The following TRHR variants were observed in gnomAD, a reference collection of about 807,000 sequenced individuals.
TRHR encodes thyrotropin-releasing hormone receptor.
TRHR carries 14 observed loss-of-function variants against 28.0 expected under a neutral mutation model. The observed-to-expected ratio is 0.50, with a 90% confidence interval of 0.33 to 0.78. The LOEUF (loss-of-function observed/expected upper bound fraction) is 0.78. Among genes scored for constraint, TRHR ranks in the 30% least tolerant of loss-of-function variants. The pLI, the probability that TRHR is intolerant of heterozygous loss-of-function variation, is 0.02. For synonymous variants in TRHR, 176 were observed against 171.9 expected (o/e 1.02, Z -0.18); for missense variants, 438 against 469.5 (o/e 0.93, Z 0.62).
At chr8:109,111,164 C>CAAAAA (rs1299482094) in intron 2 of TRHR, among the ~76,000 whole-genome samples, 1 of 151,834 alleles carries the variant, frequency 6.6e-6, no homozygotes, top group Non-Finnish European at 1.5e-5. Context: ...AAAAACAAAA[C>CAAAAA]AAAACAAAAC....
At chr8:109,114,954 T>TGGATGGATAGATTCCTTCCCAATC (rs1451491847) in intron 2 of TRHR, among the ~76,000 whole-genome samples, 38 of 152,070 alleles carry the variant, frequency 2.5e-4, no homozygotes, top group African/African-American at 9.2e-4. Context: ...TAACTTAGAA[T>TGGATGGATAGATTCCTTCCCAATC]GGATGGATAG....
rs535349867 is a variant in TRHR at position 109,121,006 on chromosome 8, T to C, written c.*1551T>C. The stretch of plus-strand genomic sequence containing the variant: ...CTCCCCATCTTCTTAATGAAGAATA[T>C]ACCATTCTTCTGAAACTTGTTTTTA... On this transcript the variant is annotated 3_prime_UTR_variant, in exon 3 of 3. Transcript: ENST00000518632. Among the ~76,000 whole-genome samples the C allele has an allele frequency of 1.3e-5, 2 of 151,502 alleles. No homozygotes were observed. Among genetic ancestry groups the C allele is most frequent in the African/African-American group, 4.8e-5 (2 of 41,398 alleles).
In TRHR at chr8:109,109,755, G is replaced by A. The variant is rs370759261; in HGVS notation, c.790-9293G>A. On this transcript the variant is annotated intron_variant, in intron 2 of 2. Coordinates refer to ENST00000518632, the MANE Select transcript of TRHR (RefSeq NM_003301.7). ...CATTGAACCCCAGTTCCACTAACCAGGACAGCTCAAAGTCCCATCACTTTT... is the reference window on the plus strand; with the variant it reads ...CATTGAACCCCAGTTCCACTAACCAAGACAGCTCAAAGTCCCATCACTTTT... 2.2e-4 allele frequency among the ~76,000 whole-genome samples: 34 copies of A among 152,248 alleles called. No homozygotes were observed. The East Asian group carries it at 5.4e-3, about 24-fold the overall frequency.
chr8:109,114,784 C>G (rs1811893098), intron 2 of TRHR, among the ~76,000 whole-genome samples: 2 of 151,998 alleles, frequency 1.3e-5, no homozygotes, highest in Non-Finnish European at 2.9e-5. Context: ...CAAGGGTTCT[C>G]TTAGAACCAA....
chr8:109,087,286 A>C (rs1384778829), intron 1 of TRHR, 139 bp from the exon 2 acceptor site: 1 of 594,150 alleles, frequency 1.7e-6, no homozygotes, highest in African/African-American at 1.9e-5. Flanking sequence ...GCAATAAAAG[A>C]AGTTTTAAGA....
chr8:109,099,327 A>C (rs1286308417), intron 2 of TRHR, among the ~76,000 whole-genome samples: 3 of 152,190 alleles, frequency 2.0e-5, no homozygotes, highest in African/African-American at 7.2e-5. Flanking sequence ...ATTTACAAAT[A>C]GGAGGCTAAA....
In TRHR at chr8:109,111,373, C is replaced by T. The variant is rs114487597; in HGVS notation, c.790-7675C>T. ...TAGTCATTGATCACTTTGCTGAGGG[C>T]CATCTGAGAGTATAATATTCCCAGT... On this transcript the variant is annotated intron_variant, in intron 2 of 2. Coordinates refer to ENST00000518632, the MANE Select transcript of TRHR (RefSeq NM_003301.7). Among the ~76,000 whole-genome samples, 784 of 152,192 alleles carry T rather than the reference C, an allele frequency of 5.2e-3. 10 individuals are homozygous for T. Among genetic ancestry groups the T allele is most frequent in the African/African-American group, 0.018 (728 of 41,536 alleles).
Position 109,119,103 on chromosome 8 carries a change from A to G in TRHR, c.845A>G (p.Tyr282Cys). ...CTGTTTGCCCTTTTATGGATGCCCT[A>G]CAGGACTCTAGTGGTTGTCAACTCA... is the stretch of plus-strand genomic sequence containing the variant. ...VILFALLWMP[Y>C]RTLVVVNSFL... The change falls in exon 3 of 3, where the codon TAC becomes TGC. Residue 282 changes from tyrosine to cysteine, a missense_variant. Coordinates refer to ENST00000518632, the MANE Select transcript of TRHR (RefSeq NM_003301.7). 2 of 1,612,880 alleles carry G rather than the reference A, an allele frequency of 1.2e-6. No homozygotes were observed. The highest frequency in any genetic ancestry group is 1.7e-6 in the Non-Finnish European group (2 of 1,179,236).
intron 1 of TRHR, 35 bp from the exon 2 acceptor site, chr8:109,087,390 C>A: frequency 9.7e-7 from 1 of 1,032,886 alleles, no homozygotes; most frequent in Non-Finnish European, 1.5e-6. Flanking sequence ...GAAATTGTAA[C>A]ACTGTTAATG....
intron 2 of TRHR, among the ~76,000 whole-genome samples, chr8:109,097,677 A>C (rs751803480): frequency 2.0e-5 from 3 of 152,234 alleles, no homozygotes; most frequent in Non-Finnish European, 4.4e-5. Flanking sequence ...CACTAGGCCA[A>C]CATAAAATAC....
intron 2 of TRHR, among the ~76,000 whole-genome samples, chr8:109,088,927 A>G (rs538037496): frequency 6.6e-6 from 1 of 152,300 alleles, no homozygotes; most frequent in East Asian, 1.9e-4. Context: ...TTCCAATAAA[A>G]AAGACAACAT....
chr8:109,111,174 C>CAAAACA (rs1246784585), intron 2 of TRHR, among the ~76,000 whole-genome samples: 2 of 151,796 alleles, frequency 1.3e-5, no homozygotes, highest in Non-Finnish European at 2.9e-5. Context: ...CAAAACAAAA[C>CAAAACA]AAAACAAAAA....
At chr8:109,096,528 C>A (rs901350928) in intron 2 of TRHR, among the ~76,000 whole-genome samples, 1 of 152,154 alleles carries the variant, frequency 6.6e-6, no homozygotes, top group East Asian at 1.9e-4. Context: ...ACAGTAGGTT[C>A]CCCAAAGTGT....
At chr8:109,110,849 A>C (rs1362640082) in intron 2 of TRHR, among the ~76,000 whole-genome samples, 4 of 152,152 alleles carry the variant, frequency 2.6e-5, no homozygotes, top group Non-Finnish European at 4.4e-5. Context: ...CATTGATTAT[A>C]ACTGTCTTTT....
chr8:109,115,944 T>C (rs1177883339), intron 2 of TRHR, among the ~76,000 whole-genome samples: 3 of 152,174 alleles, frequency 2.0e-5, no homozygotes, highest in Non-Finnish European at 4.4e-5. Flanking sequence ...GCTGTGGGTT[T>C]GTCATAAATA....
chr8:109,117,481 A>T (rs1811938211), intron 2 of TRHR, among the ~76,000 whole-genome samples: 1 of 151,920 alleles, frequency 6.6e-6, no homozygotes, highest in Non-Finnish European at 1.5e-5. Context: ...GATGGTATAG[A>T]TCTAATTGTA....
At chr8:109,091,539 T>C (rs188037052) in intron 2 of TRHR, among the ~76,000 whole-genome samples, 1 of 152,336 alleles carries the variant, frequency 6.6e-6, no homozygotes, top group African/African-American at 2.4e-5. Flanking sequence ...TAAATACTCA[T>C]CTGGGTCAGG....
chr8:109,103,527 C>T (rs1811708018), intron 2 of TRHR, among the ~76,000 whole-genome samples: 1 of 152,050 alleles, frequency 6.6e-6, no homozygotes, highest in Non-Finnish European at 1.5e-5. Context: ...TTTTTTGTGC[C>T]TCAACAAAAC....
At chr8:109,093,929 T>A (rs922782590) in intron 2 of TRHR, among the ~76,000 whole-genome samples, 1 of 151,272 alleles carries the variant, frequency 6.6e-6, no homozygotes, top group African/African-American at 2.4e-5. Flanking sequence ...GGGTATTAGT[T>A]TGCATTTTGA....
Sources: allele counts gnomAD v4.1 joint callset (sites outside exome capture counted in the v4.1 genomes callset), GRCh38; gene constraint gnomAD v4.1.1; transcripts MANE v1.5; gene names NCBI Gene and HGNC (gene_info 2026-07-23, HGNC 2026-07-21).